EP400: variants seen among roughly 807,000 people sequenced by gnomAD.
The protein encoded by EP400 is E1A binding protein p400.
Under a neutral mutation model 354.1 loss-of-function variants are expected in EP400, and 105 were observed. The ratio of observed to expected loss-of-function variants is 0.30; its 90% CI spans 0.25 to 0.35. EP400 has a LOEUF of 0.35. Among genes scored for constraint, EP400 ranks in the 10% least tolerant of loss-of-function variants. The pLI, the probability that EP400 is intolerant of heterozygous loss-of-function variation, is 1.00. For synonymous variants in EP400, 1,646 were observed against 1,716.9 expected, an observed-to-expected ratio of 0.96 and a Z score of 1.02; for missense variants, 3,280 against 4,121.0, an observed-to-expected ratio of 0.80 and a Z score of 5.59.
intron 30 of EP400, 72 bp from the exon 31 acceptor site, chr12:132,037,610 G>A: frequency 8.3e-7 from 1 of 1,203,020 alleles, no homozygotes; most frequent in Non-Finnish European, 1.2e-6. Flanking sequence ...ATCACCATCT[G>A]CATGCTGTGC....
Position 131,990,807 on chromosome 12 carries a change from C to A in EP400, c.2629+93C>A. On this transcript the variant is annotated intron_variant, in intron 9 of 52. Transcript: ENST00000389561. This position sits in a 1 kb window ranked among gnomAD's most constrained non-coding sequence, Gnocchi z 4.2. Reference sequence around the variant, plus strand: ...GCAGTCTCCTGGCGCTGTGGCTTCCCACAGAGGACATCTGCTCATCAGCCA... The same window carrying A: ...GCAGTCTCCTGGCGCTGTGGCTTCCAACAGAGGACATCTGCTCATCAGCCA... 1 of 874,130 alleles carries A rather than the reference C, an allele frequency of 1.1e-6. No individual in the cohort carries two copies. The highest frequency in any genetic ancestry group is 1.8e-6 in the Non-Finnish European group (1 of 544,284). 54.1% of individuals were successfully genotyped at this position (874,130 alleles called of 1,614,324 possible). A position where few individuals can be genotyped will look rare whatever the true frequency, so the allele number is the denominator to read the frequency against.
intron 41 of EP400, among the ~76,000 whole-genome samples, chr12:132,051,879 G>A (rs1262785123): frequency 2.0e-5 from 3 of 152,128 alleles, no homozygotes; most frequent in African/African-American, 7.2e-5. Flanking sequence ...TAATGCTACT[G>A]CTAGACCACG....
intron 2 of EP400, among the ~76,000 whole-genome samples, chr12:131,973,267 A>G (rs1283243923): frequency 6.6e-6 from 1 of 152,246 alleles, no homozygotes; most frequent in Admixed American, 6.5e-5. Flanking sequence ...GTGAATCAGG[A>G]GAGCGTAAGT....
At chr12:132,037,843 G>A (rs1409920692) in intron 31 of EP400, 50 bp downstream of exon 31, 14 of 1,609,236 alleles carry the variant, frequency 8.7e-6, no homozygotes, top group East Asian at 6.7e-5. Context: ...CATGCGGCGC[G>A]TGGAATCGCA....
intron 15 of EP400, 45 bp downstream of exon 15, chr12:132,006,922 T>G: frequency 6.2e-7 from 1 of 1,607,180 alleles, no homozygotes; most frequent in Non-Finnish European, 8.5e-7. Flanking sequence ...TTGCTAGGAC[T>G]TACCTATAGG....
chr12:132,066,749 C>G (rs375223213), intron 48 of EP400, 25 bp from the exon 49 acceptor site: 3 of 1,601,754 alleles, frequency 1.9e-6, no homozygotes, highest in African/African-American at 2.7e-5. Flanking sequence ...TTTCTCTGGA[C>G]TCTCCCATTA....
intron 47 of EP400, among the ~76,000 whole-genome samples, chr12:132,064,178 G>A (rs1411203575): frequency 6.6e-6 from 1 of 151,942 alleles, no homozygotes; most frequent in Non-Finnish European, 1.5e-5. Context: ...CTGCCACCCA[G>A]CCTTGGCTGC....
intron 2 of EP400, among the ~76,000 whole-genome samples, chr12:131,970,167 A>G (rs1308001875): frequency 6.6e-6 from 1 of 152,254 alleles, no homozygotes. Context: ...TAATGCATTT[A>G]TAGACCACAC....
chr12:131,999,287 C>T (rs978117318), intron 12 of EP400, among the ~76,000 whole-genome samples: 13 of 152,028 alleles, frequency 8.6e-5, no homozygotes, highest in African/African-American at 2.2e-4. Context: ...ACGTGTCCTA[C>T]GGTGTGCTCT....
intron 39 of EP400, among the ~76,000 whole-genome samples, chr12:132,047,118 C>G (rs1020429368): frequency 2.6e-5 from 4 of 152,148 alleles, no homozygotes; most frequent in Non-Finnish European, 5.9e-5. Context: ...ATTTCTGTAC[C>G]CACTCTTTCA....
intron 5 of EP400, 123 bp downstream of exon 5, chr12:131,982,601 C>T (rs1593324395): frequency 2.6e-6 from 3 of 1,166,422 alleles, no homozygotes; most frequent in Non-Finnish European, 3.6e-6. Flanking sequence ...CTTGCTCCCC[C>T]AATTTAGAAC....
At chr12:132,043,797 T>TC in intron 34 of EP400, 69 bp downstream of exon 34, 2 of 1,333,208 alleles carry the variant, frequency 1.5e-6, no homozygotes, top group Non-Finnish European at 2.1e-6. Context: ...TGATTTGAAG[T>TC]AAATGTGACT....
Position 132,029,701 on chromosome 12 carries a change from G to A in EP400, c.5382G>A (p.Arg1794=), listed in dbSNP as rs751189663. ...CGESLQDVID[R]VAFVIPPVVA... ...ACAAAACATGCTTTCTGCTCCTCAGGGTGGCCTTTGTGATTCCTCCGGTGG... is the reference window on the plus strand; with the variant it reads ...ACAAAACATGCTTTCTGCTCCTCAGAGTGGCCTTTGTGATTCCTCCGGTGG... Residue 1794 remains arginine (R), a splice_region_variant and synonymous_variant, in exon 28 of 53, where the codon AGG becomes AGA. Transcript: ENST00000389561. This position sits in a 1 kb window ranked among gnomAD's most constrained non-coding sequence, Gnocchi z 4.7. 6.2e-7 allele frequency: 1 copy of A among 1,611,680 alleles called. No homozygotes were observed. Among genetic ancestry groups the A allele is most frequent in the Non-Finnish European group, 8.5e-7 (1 of 1,179,456 alleles).
intron 32 of EP400, among the ~76,000 whole-genome samples, chr12:132,043,023 C>T (rs928011518): frequency 1.3e-5 from 2 of 152,222 alleles, no homozygotes; most frequent in Non-Finnish European, 2.9e-5. Flanking sequence ...CCCTGGCACG[C>T]TTTGCCTGCA....
intron 1 of EP400, among the ~76,000 whole-genome samples, chr12:131,951,935 C>A (rs1018310891): frequency 2.6e-5 from 4 of 151,888 alleles, no homozygotes; most frequent in African/African-American, 9.7e-5. Flanking sequence ...TGCCACCACA[C>A]CTGCCTACTT....
rs1891855341 is a variant in EP400, at chr12:131,960,820, A to C, written c.201A>C (p.Ala67=). 1.2e-6 allele frequency: 2 copies of C among 1,613,488 alleles called. No homozygotes were observed. The highest frequency in any genetic ancestry group is 1.3e-5 in the African/African-American group (1 of 74,802). Residue 67 remains alanine, a synonymous_variant, in exon 2 of 53, where the codon GCA becomes GCC. Transcript: ENST00000389561. ...QIQQLMNRSP[A]TGQNVNITLQ... The stretch of plus-strand genomic sequence containing the variant: ...AGCAGCTGATGAATAGGAGCCCTGC[A>C]ACCGGGCAGAACGTGAACATCACCC...
At chr12:132,043,221 T>G (rs1426248621) in intron 32 of EP400, 83 bp from the exon 33 acceptor site, 6 of 1,477,352 alleles carry the variant, frequency 4.1e-6, no homozygotes, top group Admixed American at 2.3e-5. Flanking sequence ...GCATCTCCAT[T>G]AACTTTACAT....
chr12:131,955,317 T>G (rs1230830208), intron 1 of EP400, among the ~76,000 whole-genome samples: 1 of 152,122 alleles, frequency 6.6e-6, no homozygotes, highest in Non-Finnish European at 1.5e-5. Flanking sequence ...AGTTTCGCTC[T>G]TGTTGCCCAA....
At chr12:131,973,198 C>T (rs1414036952) in intron 2 of EP400, among the ~76,000 whole-genome samples, 1 of 152,066 alleles carries the variant, frequency 6.6e-6, no homozygotes, top group African/African-American at 2.4e-5. Flanking sequence ...TTCATCTAAC[C>T]ACTTTCTAGT....
Sources: gnomAD v4.1 joint callset for allele counts (sites outside exome capture counted in the v4.1 genomes callset) on GRCh38, gnomAD v4.1.1 for gene constraint, Gnocchi (gnomAD v3.1) non-coding constraint, MANE v1.5 for transcripts, NCBI Gene and HGNC (gene_info 2026-07-23, HGNC 2026-07-21) for gene names.